The following SRC variants were observed in gnomAD, a reference collection of about 807,000 sequenced individuals.
SRC encodes SRC proto-oncogene, non-receptor tyrosine kinase.
A neutral mutation model predicts 62.9 loss-of-function variants in SRC; 13 were observed. The ratio of observed to expected loss-of-function variants is 0.21; its 90% CI spans 0.13 to 0.33. The LOEUF (loss-of-function observed/expected upper bound fraction) is 0.33, where lower values mean the gene tolerates loss of function less well. Ranked by LOEUF, SRC falls within the 10% of genes least tolerant of loss-of-function variation. SRC has a pLI of 1.00. For synonymous variants in SRC, 302 were observed against 317.5 expected, an observed-to-expected ratio of 0.95 and a Z score of 0.52; for missense variants, 457 against 737.3, an observed-to-expected ratio of 0.62 and a Z score of 4.40.
intron 2 of SRC, among the ~76,000 whole-genome samples, chr20:37,368,529 T>TG (rs1568625201): frequency 3.6e-4 from 44 of 122,956 alleles, no homozygotes; most frequent in East Asian, 2.9e-3. Flanking sequence ...TTTTTTTTTT[T>TG]TTTTTTTTTT....
chr20:37,369,185 T>A (rs549706493), intron 2 of SRC, among the ~76,000 whole-genome samples: 1 of 152,346 alleles, frequency 6.6e-6, no homozygotes, highest in Non-Finnish European at 1.5e-5. Context: ...ACTTTCCATA[T>A]GAATTTTAAG....
At chr20:37,391,095 G>A (rs1568638786) in intron 5 of SRC, among the ~76,000 whole-genome samples, 2 of 152,170 alleles carry the variant, frequency 1.3e-5, no homozygotes, top group Admixed American at 1.3e-4. Flanking sequence ...GCTGGCCTCC[G>A]AGCACAGGCC....
rs1477711387 is a variant in SRC at position 37,396,529 on chromosome 20, C to T, written c.703+218C>T. On this transcript the variant is annotated intron_variant, in intron 8 of 13. Transcript: ENST00000373578. This position sits in a 1 kb window ranked among gnomAD's most constrained non-coding sequence, Gnocchi z 6.1. The stretch of plus-strand genomic sequence containing the variant: ...CCCAGCCCCCCTCCTCCCTGTCCCC[C>T]TCTCTCCCTGCTCCACGCAGTGTCC... The T allele has an allele frequency of 3.2e-6, 2 of 631,940 alleles. No individual in the cohort carries two copies. The allele number at this position is 631,940 out of a possible 1,614,324, so 39.1% of individuals were successfully genotyped here.
At chr20:37,401,414 T>C (rs1601021889) in intron 10 of SRC, among the ~76,000 whole-genome samples, 188 bp from the exon 11 acceptor site, 1 of 152,246 alleles carries the variant, frequency 6.6e-6, no homozygotes, top group East Asian at 1.9e-4. Context: ...GGACTTCTGC[T>C]TGTTTCCCAT....
At chr20:37,393,669 A>C (rs1302962599) in intron 5 of SRC, 1 of 551,542 alleles carries the variant, frequency 1.8e-6, no homozygotes. Flanking sequence ...TCCAAGACAA[A>C]GTCCATCTGA....
At position 37,397,263 on chromosome 20, in the gene SRC, C is replaced by T. The variant is rs542130583; in HGVS notation, c.704-436C>T. Among the ~76,000 whole-genome samples the T allele has an allele frequency of 1.6e-4, 24 of 152,302 alleles. No homozygotes were observed. Among genetic ancestry groups the T allele is most frequent in the African/African-American group, 5.1e-4 (21 of 41,560 alleles). On this transcript the variant is annotated intron_variant, in intron 8 of 13. Transcript: ENST00000373578. This position sits in a 1 kb window ranked among gnomAD's most constrained non-coding sequence, Gnocchi z 4.1. ...GGCTCTTCCCTACTTAACCCCTCAC[C>T]GTCCTGCACATCCAAGCTCAGTTGC...
rs2070406439 is a variant in SRC at position 37,384,055 on chromosome 20, C to T, written c.-4-95C>T. The T allele has an allele frequency of 6.6e-7, 1 of 1,522,296 alleles. No individual in the cohort carries two copies. Among genetic ancestry groups the T allele is most frequent in the South Asian group, 1.2e-5 (1 of 84,374 alleles). 94.3% of individuals were successfully genotyped at this position (1,522,296 alleles called of 1,614,324 possible). On this transcript the variant is annotated intron_variant, in intron 3 of 13. Coordinates refer to ENST00000373578, the MANE Select transcript of SRC (RefSeq NM_198291.3). The surrounding 1 kb of genome is among the most constrained non-coding windows in gnomAD (Gnocchi z 6.7). ...CCGGCCCTGCTGCCTCTCCTTGGGC[C>T]TCGTTTTCCCTATCTGTGGAATGGG... is the stretch of plus-strand genomic sequence containing the variant.
At chr20:37,371,852 G>C (rs1254279709) in intron 2 of SRC, among the ~76,000 whole-genome samples, 1 of 151,690 alleles carries the variant, frequency 6.6e-6, no homozygotes, top group Non-Finnish European at 1.5e-5. Flanking sequence ...CAAGGCACCT[G>C]CCACCACGCC....
At chr20:37,362,721 G>C (rs985979041) in intron 1 of SRC, among the ~76,000 whole-genome samples, 1 of 149,024 alleles carries the variant, frequency 6.7e-6, no homozygotes, top group African/African-American at 2.4e-5. Flanking sequence ...CTCTGGGATG[G>C]TTCCTGGGGT....
At chr20:37,368,434 TAAAC>T (rs941416005) in intron 2 of SRC, among the ~76,000 whole-genome samples, 4 of 118,378 alleles carry the variant, frequency 3.4e-5, no homozygotes, top group African/African-American at 8.7e-5. Flanking sequence ...AACAGACAAA[TAAAC>T]AAACAAACAC....
chr20:37,352,628 T>A (rs2069822592), intron 1 of SRC, among the ~76,000 whole-genome samples: 1 of 152,224 alleles, frequency 6.6e-6, no homozygotes, highest in South Asian at 2.1e-4. Flanking sequence ...TATTTGAGCA[T>A]CCTTGCCCGT....
rs370053315 is a variant in SRC, at chr20:37,353,984, G to C, written c.-247+7729G>C. 7.2e-5 allele frequency among the ~76,000 whole-genome samples: 11 copies of C among 152,344 alleles called. 2 individuals carry two copies. The highest frequency in any genetic ancestry group is 2.4e-4 in the African/African-American group (10 of 41,578). On this transcript the variant is annotated intron_variant, in intron 1 of 13. Coordinates refer to ENST00000373578, the MANE Select transcript of SRC (RefSeq NM_198291.3). ...ACCCACTCCATGGGCTTGTTGCAAG[G>C]ATGAAGTCTTGTGTCCAACGCCCTC...
At chr20:37,391,058 A>G (rs914101290) in intron 5 of SRC, among the ~76,000 whole-genome samples, 2 of 151,638 alleles carry the variant, frequency 1.3e-5, no homozygotes, top group Non-Finnish European at 2.9e-5. Flanking sequence ...CATCGGCTGC[A>G]CTCCTCTCGC....
At chr20:37,346,082 GCCT>G (rs1174500320), upstream of SRC, 25 of 151,810 alleles carry the variant, frequency 1.6e-4, no homozygotes, top group East Asian at 1.2e-3. Flanking sequence ...GGCCGCCGCC[GCCT>G]CCTCCTCCTC....
intron 2 of SRC, among the ~76,000 whole-genome samples, chr20:37,372,799 C>T (rs1277783592): frequency 6.6e-6 from 1 of 151,720 alleles, no homozygotes; most frequent in African/African-American, 2.4e-5. Context: ...TTATTATATA[C>T]ATGCTAAGAA....
chr20:37,379,316 G>A (rs966121754), intron 2 of SRC, among the ~76,000 whole-genome samples: 1 of 152,122 alleles, frequency 6.6e-6, no homozygotes, highest in Non-Finnish European at 1.5e-5. Flanking sequence ...GCTGCAAGTG[G>A]CGGAAGAGAT....
chr20:37,373,356 A>C (rs1000631094), intron 2 of SRC, among the ~76,000 whole-genome samples: 1 of 150,894 alleles, frequency 6.6e-6, no homozygotes, highest in African/African-American at 2.5e-5. Flanking sequence ...ATATGTACAT[A>C]TATACACATA....
chr20:37,352,708 G>A (rs1338394128), intron 1 of SRC, among the ~76,000 whole-genome samples: 1 of 152,216 alleles, frequency 6.6e-6, no homozygotes, highest in Non-Finnish European at 1.5e-5. Flanking sequence ...GAGAGAGGCG[G>A]GGATGGGCTC....
At chr20:37,388,232 C>T (rs1178942741) in intron 5 of SRC, among the ~76,000 whole-genome samples, 1 of 151,884 alleles carries the variant, frequency 6.6e-6, no homozygotes, top group Non-Finnish European at 1.5e-5. Context: ...AGAGAGTAGC[C>T]CCATGCTTGC....
Sources: gnomAD v4.1 joint callset for allele counts (sites outside exome capture counted in the v4.1 genomes callset) on GRCh38, gnomAD v4.1.1 for gene constraint, Gnocchi (gnomAD v3.1) non-coding constraint, MANE v1.5 for transcripts, NCBI Gene and HGNC (gene_info 2026-07-23, HGNC 2026-07-21) for gene names.